The following VPS53 variants were observed in gnomAD, a reference collection of about 807,000 sequenced individuals.
VPS53 encodes VPS53 subunit of GARP complex.
In VPS53, 70 loss-of-function variants were observed where a neutral mutation model predicts 107.0. The ratio of observed to expected loss-of-function variants is 0.65; its 90% CI spans 0.54 to 0.80. The LOEUF (loss-of-function observed/expected upper bound fraction) is 0.80. Among genes scored for constraint, VPS53 ranks in the 30% least tolerant of loss-of-function variants. The pLI is 0.00. For synonymous variants in VPS53, 409 were observed against 393.3 expected (o/e 1.04, Z -0.47); for missense variants, 917 against 1,049.4 (o/e 0.87, Z 1.74).
chr17:580,777 C>T lies in VPS53; in HGVS notation c.1313+5493G>A, dbSNP rs146207606. ...CATTACCAGAGAACTTCCCTTAGGA[C>T]CTCAATGCGTTCCCAGAGAACCTCC... is the stretch of plus-strand genomic sequence containing the variant. On this transcript the variant is annotated intron_variant, in intron 13 of 21. Transcript: ENST00000437048. 2.1e-4 allele frequency among the ~76,000 whole-genome samples: 30 copies of T among 146,034 alleles called. No homozygotes were observed. In the East Asian group the frequency reaches 5.1e-3, roughly 25 times the overall value.
At chr17:701,503 G>C (rs921837592) in intron 2 of VPS53, among the ~76,000 whole-genome samples, 1 of 151,078 alleles carries the variant, frequency 6.6e-6, no homozygotes, top group Non-Finnish European at 1.5e-5. Flanking sequence ...TCAGCCTCCC[G>C]AGTAGCTGGG....
chr17:562,804 G>A lies in VPS53; in HGVS notation c.1314-59C>T, dbSNP rs374051559. The A allele has an allele frequency of 4.5e-6, 7 of 1,564,926 alleles. No individual in the cohort carries two copies. The South Asian group carries it at 5.8e-5, about 13-fold the overall frequency. ...TTACTTCAAGAAAAGTAAAGCAAAT[G>A]TGCTCGTTTGCAATGTACATAAACT... On this transcript the variant is annotated intron_variant, in intron 13 of 21. Transcript: ENST00000437048.
chr17:623,727 T>C, intron 10 of VPS53, 53 bp from the exon 11 acceptor site: 2 of 1,555,610 alleles, frequency 1.3e-6, no homozygotes, highest in Admixed American at 1.8e-5. Flanking sequence ...ATTCATTCAG[T>C]AGAGATAAGG....
At chr17:638,059 T>C (rs1262850263) in intron 7 of VPS53, among the ~76,000 whole-genome samples, 2 of 152,208 alleles carry the variant, frequency 1.3e-5, no homozygotes, top group Non-Finnish European at 2.9e-5. Flanking sequence ...CTAAGTCTCT[T>C]TGTAGTTTCT....
chr17:697,249 C>T (rs147395695), intron 4 of VPS53, among the ~76,000 whole-genome samples, 169 bp downstream of exon 4: 18 of 152,314 alleles, frequency 1.2e-4, no homozygotes, highest in African/African-American at 3.1e-4. Flanking sequence ...CCAAGGGACA[C>T]TGAGGGACAG....
At chr17:629,810 CA>C (rs1453741362) in intron 8 of VPS53, among the ~76,000 whole-genome samples, 31 of 1,454 alleles carry the variant, frequency 0.021, no homozygotes, top group Non-Finnish European at 0.054. Flanking sequence ...AAAAAAAAAC[CA>C]CACACACACA....
chr17:606,321 G>A (rs1188469948), intron 11 of VPS53, among the ~76,000 whole-genome samples: 2 of 152,122 alleles, frequency 1.3e-5, no homozygotes, highest in Non-Finnish European at 2.9e-5. Context: ...GACAGACCCG[G>A]GTTCGAGTCC....
chr17:553,311 A>C, intron 16 of VPS53, 69 bp downstream of exon 16: 1 of 1,472,842 alleles, frequency 6.8e-7, no homozygotes, highest in Non-Finnish European at 9.5e-7. Flanking sequence ...TGCAGGGTAC[A>C]TACGTGCTGC....
At chr17:521,090 AC>A (rs1318716505) in intron 20 of VPS53, among the ~76,000 whole-genome samples, 1 of 152,224 alleles carries the variant, frequency 6.6e-6, no homozygotes, top group Non-Finnish European at 1.5e-5. Context: ...ATAGCTGGAA[AC>A]CAGAGGCAGA....
In VPS53 at chr17:647,924, G is replaced by A. The variant is rs142976585; in HGVS notation, c.608+5367C>T. Among the ~76,000 whole-genome samples, 760 of 152,354 alleles carry A rather than the reference G, an allele frequency of 5.0e-3. 5 individuals are homozygous for A. Among genetic ancestry groups the A allele is most frequent in the Non-Finnish European group, 8.5e-3 (577 of 68,042 alleles). On this transcript the variant is annotated intron_variant, in intron 7 of 21. Coordinates refer to ENST00000437048, the MANE Select transcript of VPS53 (RefSeq NM_001128159.3). Reference sequence around the variant, plus strand: ...CGAAAATGAAAGACATGAAGGTGGCGATACCAGGAGCAGGATGGGGCCGCT... The same window carrying A: ...CGAAAATGAAAGACATGAAGGTGGCAATACCAGGAGCAGGATGGGGCCGCT...
chr17:631,875 G>A (rs1326551841), intron 7 of VPS53, among the ~76,000 whole-genome samples: 1 of 151,964 alleles, frequency 6.6e-6, no homozygotes, highest in East Asian at 1.9e-4. Context: ...TTTACCTGAG[G>A]TCATATGTAT....
At chr17:536,815 C>T (rs1293218794) in intron 18 of VPS53, 6 of 554,546 alleles carry the variant, frequency 1.1e-5, no homozygotes, top group East Asian at 3.3e-5. Flanking sequence ...GTGATAATGA[C>T]GTGTTGATGC....
intron 12 of VPS53, among the ~76,000 whole-genome samples, chr17:592,795 C>G (rs1345744248): frequency 2.6e-5 from 4 of 152,148 alleles, no homozygotes; most frequent in African/African-American, 9.7e-5. Flanking sequence ...GATAACCCGA[C>G]CTTTCTCTCT....
intron 15 of VPS53, among the ~76,000 whole-genome samples, chr17:558,671 T>C (rs554361392): frequency 4.0e-5 from 6 of 149,226 alleles, no homozygotes; most frequent in African/African-American, 1.5e-4. Context: ...TAAACAACGA[T>C]CAGGGATGCT....
chr17:560,078 C>A (rs1033067926), intron 15 of VPS53, among the ~76,000 whole-genome samples: 1 of 152,260 alleles, frequency 6.6e-6, no homozygotes, highest in Admixed American at 6.5e-5. Context: ...CTCATCATCA[C>A]CAAAGGCTGG....
chr17:535,903 G>C (rs1429581022), intron 18 of VPS53, among the ~76,000 whole-genome samples: 2 of 152,124 alleles, frequency 1.3e-5, no homozygotes, highest in African/African-American at 4.8e-5. Context: ...GGGAGAGATT[G>C]GGGGAAGACA....
intron 2 of VPS53, among the ~76,000 whole-genome samples, chr17:705,423 TAAA>T (rs11295086): frequency 4.2e-5 from 6 of 143,664 alleles, no homozygotes; most frequent in Admixed American, 7.0e-5. Context: ...GCCCAGTCTG[TAAA>T]AAAAAAAAAA....
At chr17:703,156 C>A (rs1401115134) in intron 2 of VPS53, among the ~76,000 whole-genome samples, 1 of 152,082 alleles carries the variant, frequency 6.6e-6, no homozygotes, top group African/African-American at 2.4e-5. Context: ...TTGCAGCGAG[C>A]CGAGATCACA....
At chr17:661,688 T>G (rs1013246640) in intron 5 of VPS53, 121 bp downstream of exon 5, 33 of 890,248 alleles carry the variant, frequency 3.7e-5, no homozygotes, top group Middle Eastern at 5.3e-4. Context: ...GCTTTAGAGA[T>G]GCAGATGACT....
Sources: allele counts gnomAD v4.1 joint callset (sites outside exome capture counted in the v4.1 genomes callset), GRCh38; gene constraint gnomAD v4.1.1; transcripts MANE v1.5; gene names NCBI Gene and HGNC (gene_info 2026-07-23, HGNC 2026-07-21).